GRM7: variants seen among roughly 807,000 people sequenced by gnomAD.
GRM7 encodes the protein metabotropic glutamate receptor 7.
In GRM7, 35 loss-of-function variants were observed where a neutral mutation model predicts 84.5. The observed-to-expected ratio is 0.41, with a 90% CI of 0.32 to 0.55. The LOEUF is 0.55. Ranked by LOEUF, GRM7 falls within the 20% of genes least tolerant of loss-of-function variation. The pLI is 0.19. For missense variants in GRM7, 1,003 were observed against 1,194.6 expected (o/e 0.84, Z 2.36); for synonymous variants, 487 against 455.1 (o/e 1.07, Z -0.89).
intron 7 of GRM7, among the ~76,000 whole-genome samples, chr3:7,487,740 C>T (rs1699375241): frequency 6.6e-6 from 1 of 152,210 alleles, no homozygotes; most frequent in African/African-American, 2.4e-5. Flanking sequence ...ACTGGGGGCC[C>T]AGGCAGAGAC....
intron 1 of GRM7, among the ~76,000 whole-genome samples, chr3:6,973,625 G>T (rs1693856074): frequency 6.6e-6 from 1 of 152,140 alleles, no homozygotes; most frequent in Non-Finnish European, 1.5e-5. Flanking sequence ...GTGATATTTT[G>T]GTGAGATAGG....
intron 1 of GRM7, among the ~76,000 whole-genome samples, chr3:7,134,637 C>T (rs74383966): frequency 0.021 from 3,140 of 152,152 alleles, 104 homozygotes; most frequent in African/African-American, 0.071. Flanking sequence ...TCAACTTGGA[C>T]CAGCATCTGG....
intron 2 of GRM7, among the ~76,000 whole-genome samples, chr3:7,223,112 C>CT (rs1312241873): frequency 6.6e-6 from 1 of 151,758 alleles, no homozygotes; most frequent in Non-Finnish European, 1.5e-5. Context: ...TATATAGGTG[C>CT]TTTTTTTTCC....
intron 7 of GRM7, among the ~76,000 whole-genome samples, chr3:7,494,412 G>C (rs1302908283): frequency 1.3e-5 from 2 of 152,136 alleles, no homozygotes; most frequent in Non-Finnish European, 2.9e-5. Context: ...GTTTTCAGAA[G>C]TTTAATTGTG....
At chr3:7,628,859 G>A (rs1697740117) in intron 8 of GRM7, among the ~76,000 whole-genome samples, 1 of 152,152 alleles carries the variant, frequency 6.6e-6, no homozygotes, top group South Asian at 2.1e-4. Flanking sequence ...AGGTAACACT[G>A]AACAATGACT....
At chr3:7,222,685 A>G (rs1696849376) in intron 2 of GRM7, among the ~76,000 whole-genome samples, 1 of 152,206 alleles carries the variant, frequency 6.6e-6, no homozygotes, top group Non-Finnish European at 1.5e-5. Flanking sequence ...TTAAGCTTCT[A>G]AATTTGTGAT....
chr3:7,130,939 TCACA>T (rs576425087), intron 1 of GRM7, among the ~76,000 whole-genome samples: 4 of 148,904 alleles, frequency 2.7e-5, no homozygotes, highest in South Asian at 4.2e-4. Context: ...CTTCACTCAC[TCACA>T]CACACACACA....
At chr3:7,070,811 C>G (rs554669704) in intron 1 of GRM7, among the ~76,000 whole-genome samples, 36 of 152,130 alleles carry the variant, frequency 2.4e-4, no homozygotes, top group African/African-American at 8.4e-4. Context: ...AGAACTAATG[C>G]AAATTTTGCA....
At chr3:7,716,073 TG>T (rs1311901977) in intron 9 of GRM7, among the ~76,000 whole-genome samples, 1 of 152,170 alleles carries the variant, frequency 6.6e-6, no homozygotes, top group Non-Finnish European at 1.5e-5. Flanking sequence ...TCACCTGTCT[TG>T]AATGCAGGGG....
chr3:7,523,536 C>A (rs933297933), intron 7 of GRM7, among the ~76,000 whole-genome samples: 2 of 152,048 alleles, frequency 1.3e-5, no homozygotes, highest in Non-Finnish European at 2.9e-5. Flanking sequence ...AAGGCCAGGG[C>A]TAATAGCACT....
intron 1 of GRM7, among the ~76,000 whole-genome samples, chr3:6,933,989 A>G (rs532977839): frequency 6.6e-6 from 1 of 152,184 alleles, no homozygotes; most frequent in Non-Finnish European, 1.5e-5. Context: ...GGTTGGGCTA[A>G]GTGAGGGAAA....
chr3:7,507,506 A>G (rs2124972800), intron 7 of GRM7, among the ~76,000 whole-genome samples: 1 of 152,350 alleles, frequency 6.6e-6, no homozygotes, highest in African/African-American at 2.4e-5. Flanking sequence ...TAAAGAAACT[A>G]TTTTGGTTCT....
At chr3:7,489,019 G>C (rs1412624084) in intron 7 of GRM7, among the ~76,000 whole-genome samples, 1 of 151,940 alleles carries the variant, frequency 6.6e-6, no homozygotes, top group Non-Finnish European at 1.5e-5. Flanking sequence ...ACTCTTTTTG[G>C]TTATCTGCCC....
At chr3:7,566,808 A>C (rs1353106628) in intron 7 of GRM7, among the ~76,000 whole-genome samples, 1 of 152,214 alleles carries the variant, frequency 6.6e-6, no homozygotes, top group East Asian at 1.9e-4. Context: ...AGGGGGAAAA[A>C]AAAAATGGTT....
chr3:7,254,558 C>T (rs1321477461), intron 2 of GRM7, among the ~76,000 whole-genome samples: 2 of 152,206 alleles, frequency 1.3e-5, no homozygotes, highest in Non-Finnish European at 2.9e-5. Context: ...TCTGCCATTG[C>T]AGCTCAAAAA....
intron 2 of GRM7, among the ~76,000 whole-genome samples, chr3:7,264,843 T>G (rs1488240830): frequency 6.9e-6 from 1 of 143,896 alleles, no homozygotes; most frequent in Non-Finnish European, 1.5e-5. Context: ...TTACCTCGGG[T>G]CTCCTAGAGA....
chr3:7,689,220 T>C (rs1257349260), intron 9 of GRM7, among the ~76,000 whole-genome samples: 2 of 152,198 alleles, frequency 1.3e-5, no homozygotes, highest in Non-Finnish European at 2.9e-5. Context: ...AATTGTATTA[T>C]TGACATCCAT....
chr3:7,240,194 G>A (rs1037436371), intron 2 of GRM7, among the ~76,000 whole-genome samples: 3 of 122,378 alleles, frequency 2.5e-5, no homozygotes, highest in Non-Finnish European at 4.8e-5. Context: ...AGAAAGCAGC[G>A]GCTTCTATAG....
chr3:7,562,160 C>T (rs1242512737), intron 7 of GRM7, among the ~76,000 whole-genome samples: 1 of 152,046 alleles, frequency 6.6e-6, no homozygotes, highest in Admixed American at 6.6e-5. Flanking sequence ...CCCTGTAAGA[C>T]AGAGGTTGAC....
Sources: allele counts gnomAD v4.1 joint callset (sites outside exome capture counted in the v4.1 genomes callset), GRCh38; gene constraint gnomAD v4.1.1; transcripts MANE v1.5; gene names NCBI Gene and HGNC (gene_info 2026-07-23, HGNC 2026-07-21).